The following RASGEF1A variants were observed in gnomAD, a reference collection of about 807,000 sequenced individuals.
RASGEF1A encodes the protein RasGEF domain family member 1A.
RASGEF1A carries 18 observed loss-of-function variants against 56.4 expected under a neutral mutation model. That is an observed-to-expected ratio of 0.32 (90% confidence interval 0.22 to 0.47). The LOEUF is 0.47. Ranked by LOEUF, RASGEF1A falls within the 20% of genes least tolerant of loss-of-function variation. The pLI is 1.00. For synonymous variants in RASGEF1A, 245 were observed against 242.6 expected (o/e 1.01, Z -0.09); for missense variants, 422 against 627.1 (o/e 0.67, Z 3.49).
chr10:43,211,738 C>T (rs954367999), intron 1 of RASGEF1A, among the ~76,000 whole-genome samples: 8 of 152,214 alleles, frequency 5.3e-5, no homozygotes, highest in Non-Finnish European at 1.0e-4. Flanking sequence ...TCCACACCCC[C>T]GCACACCTGA....
At chr10:43,202,300 G>A (rs1839912158) in intron 3 of RASGEF1A, among the ~76,000 whole-genome samples, 1 of 152,240 alleles carries the variant, frequency 6.6e-6, no homozygotes, top group Non-Finnish European at 1.5e-5. Context: ...TTAGAGGAGA[G>A]CTCCCGTCTG....
chr10:43,225,124 G>A (rs889252056), intron 1 of RASGEF1A, among the ~76,000 whole-genome samples: 28 of 151,148 alleles, frequency 1.9e-4, no homozygotes, highest in Admixed American at 2.6e-4. Flanking sequence ...ATGTGTCTAT[G>A]TGTGTCTGTG....
chr10:43,265,350 T>G (rs891255888), intron 1 of RASGEF1A, among the ~76,000 whole-genome samples: 1 of 152,216 alleles, frequency 6.6e-6, no homozygotes, highest in Non-Finnish European at 1.5e-5. Context: ...CCCAGGGGCA[T>G]GTGCAGGAGG....
At chr10:43,203,523 CGCCGGTCCCGAG>C in intron 2 of RASGEF1A, 103 bp from the exon 3 acceptor site, 1 of 1,432,148 alleles carries the variant, frequency 7.0e-7, no homozygotes, top group South Asian at 1.5e-5. Context: ...GGCCCAGCAC[CGCCGGTCCCGAG>C]GCCATGCCTT....
chr10:43,254,009 TC>T (rs1359673387), intron 1 of RASGEF1A, among the ~76,000 whole-genome samples: 2 of 151,982 alleles, frequency 1.3e-5, no homozygotes, highest in Non-Finnish European at 1.5e-5. Context: ...CAGGCCTGCC[TC>T]CCCATGGGGT....
intron 1 of RASGEF1A, among the ~76,000 whole-genome samples, chr10:43,233,409 A>G (rs560929542): frequency 6.9e-4 from 105 of 152,334 alleles, no homozygotes; most frequent in African/African-American, 2.4e-3. Context: ...CAAAATATAT[A>G]AAGAACTCAT....
chr10:43,261,442 G>A (rs1170292643), intron 1 of RASGEF1A, among the ~76,000 whole-genome samples: 1 of 152,230 alleles, frequency 6.6e-6, no homozygotes, highest in African/African-American at 2.4e-5. Flanking sequence ...GGCTCTCCCA[G>A]GTGCCACCAA....
chr10:43,248,703 G>A (rs531421355), intron 1 of RASGEF1A, among the ~76,000 whole-genome samples: 3 of 152,134 alleles, frequency 2.0e-5, no homozygotes, highest in Non-Finnish European at 4.4e-5. Context: ...CAACTAGTCT[G>A]TAGATTTTTT....
At position 43,247,823 on chromosome 10, in the gene RASGEF1A, A is replaced by G. The variant is rs755572455; in HGVS notation, c.-7+19022T>C. 7.0e-4 allele frequency among the ~76,000 whole-genome samples: 107 copies of G among 152,290 alleles called. 4 individuals are homozygous for G. Among genetic ancestry groups the G allele is most frequent in the Non-Finnish European group, 3.5e-4 (24 of 68,024 alleles). ...ACACCTATAATCCCAGCACTTTGGG[A>G]GGCCTAGGCAGACAGATCACCTGAG... is the stretch of plus-strand genomic sequence containing the variant. On this transcript the variant is annotated intron_variant, in intron 1 of 12. Coordinates refer to ENST00000395810, the MANE Select transcript of RASGEF1A (RefSeq NM_145313.4).
At chr10:43,231,373 C>A (rs1428283139) in intron 1 of RASGEF1A, among the ~76,000 whole-genome samples, 9 of 152,262 alleles carry the variant, frequency 5.9e-5, no homozygotes, top group Admixed American at 3.3e-4. Flanking sequence ...CGTAGCCCTG[C>A]AGAACATCTG....
intron 3 of RASGEF1A, chr10:43,202,664 G>A (rs1391074944): frequency 1.3e-4 from 32 of 246,944 alleles, no homozygotes; most frequent in Non-Finnish European, 2.1e-4. Flanking sequence ...GCACCACCCA[G>A]CCCGCAACTC....
chr10:43,196,208 C>T lies in RASGEF1A; in HGVS notation c.*36G>A. The T allele has an allele frequency of 6.2e-7, 1 of 1,609,098 alleles. No homozygotes were observed. Among genetic ancestry groups the T allele is most frequent in the African/African-American group, 1.3e-5 (1 of 74,926 alleles). ...AGTCAAAATTTAAACCCAGTTAGTGCACGTGCTTCCTCTGGCGTCGCGGGC... is the reference window on the plus strand; with the variant it reads ...AGTCAAAATTTAAACCCAGTTAGTGTACGTGCTTCCTCTGGCGTCGCGGGC... On this transcript the variant is annotated 3_prime_UTR_variant, in exon 13 of 13. Transcript: ENST00000395810. The surrounding 1 kb of genome is among the most constrained non-coding windows in gnomAD (Gnocchi z 4.6).
chr10:43,223,266 C>T (rs1340973175), intron 1 of RASGEF1A, among the ~76,000 whole-genome samples: 1 of 152,096 alleles, frequency 6.6e-6, no homozygotes, highest in African/African-American at 2.4e-5. Context: ...ACCAATGAAA[C>T]CCAGTAAAGT....
chr10:43,241,933 T>C (rs1175713568), intron 1 of RASGEF1A, among the ~76,000 whole-genome samples: 1 of 152,088 alleles, frequency 6.6e-6, no homozygotes, highest in Non-Finnish European at 1.5e-5. Flanking sequence ...GTCAGGAGAT[T>C]GAGACCATGC....
chr10:43,261,230 C>T (rs760907157), intron 1 of RASGEF1A, among the ~76,000 whole-genome samples: 32 of 152,258 alleles, frequency 2.1e-4, no homozygotes, highest in Non-Finnish European at 3.2e-4. Context: ...CACCACTCCC[C>T]GCAGGGCAGT....
intron 1 of RASGEF1A, among the ~76,000 whole-genome samples, chr10:43,225,204 G>T (rs1399333309): frequency 8.5e-6 from 1 of 118,292 alleles, no homozygotes; most frequent in African/African-American, 3.3e-5. Flanking sequence ...CTGTGTGTGT[G>T]CATGTGCCTG....
intron 1 of RASGEF1A, among the ~76,000 whole-genome samples, chr10:43,213,709 C>A (rs1366444931): frequency 6.6e-6 from 1 of 152,232 alleles, no homozygotes; most frequent in African/African-American, 2.4e-5. Context: ...TCACTGCAAC[C>A]TCTGCCTCAC....
chr10:43,227,246 T>C (rs1053798704), intron 1 of RASGEF1A, among the ~76,000 whole-genome samples: 2 of 152,180 alleles, frequency 1.3e-5, no homozygotes, highest in Non-Finnish European at 2.9e-5. Flanking sequence ...ATCCCACCAA[T>C]GCCAGTGTGA....
intron 1 of RASGEF1A, among the ~76,000 whole-genome samples, chr10:43,248,364 T>TA (rs34561814): frequency 0.023 from 2,551 of 111,360 alleles, 35 homozygotes; most frequent in Non-Finnish European, 0.032. Context: ...ACTCGGTCTT[T>TA]AAAAAAAAAA....
Sources: gnomAD v4.1 joint callset for allele counts (sites outside exome capture counted in the v4.1 genomes callset) on GRCh38, gnomAD v4.1.1 for gene constraint, Gnocchi (gnomAD v3.1) non-coding constraint, MANE v1.5 for transcripts, NCBI Gene and HGNC (gene_info 2026-07-23, HGNC 2026-07-21) for gene names.